PCGF5: variants seen among roughly 807,000 people sequenced by gnomAD.
The protein encoded by PCGF5 is polycomb group RING finger protein 5.
Under a neutral mutation model 44.3 loss-of-function variants are expected in PCGF5, and 9 were observed. The observed-to-expected ratio is 0.20, with a 90% CI of 0.12 to 0.35. The LOEUF (loss-of-function observed/expected upper bound fraction) is 0.35. PCGF5 is among the 10% of genes least tolerant of loss of function. The probability of loss-of-function intolerance (pLI) is 1.00; values close to 1 mark genes in which losing one functional copy is unlikely to be tolerated. For synonymous variants in PCGF5, 95 were observed against 102.5 expected (o/e 0.93, Z 0.44); for missense variants, 146 against 305.3 (o/e 0.48, Z 3.89).
At chr10:91,170,219 G>A (rs1843579493) in intron 1 of PCGF5, among the ~76,000 whole-genome samples, 1 of 152,204 alleles carries the variant, frequency 6.6e-6, no homozygotes, top group African/African-American at 2.4e-5. Flanking sequence ...GTTTGGTGAT[G>A]ACTTTTTAGA....
chr10:91,275,036 G>A (rs1846272228), intron 9 of PCGF5, among the ~76,000 whole-genome samples: 2 of 152,112 alleles, frequency 1.3e-5, no homozygotes, highest in Admixed American at 6.6e-5. Context: ...ATCTCAGAGT[G>A]GGGATGGCCT....
chr10:91,221,903 A>G (rs543908623), intron 1 of PCGF5, among the ~76,000 whole-genome samples: 15 of 152,326 alleles, frequency 9.8e-5, no homozygotes, highest in Middle Eastern at 3.4e-3. Context: ...AAAACTAGGG[A>G]AAGATTGCAC....
intron 6 of PCGF5, among the ~76,000 whole-genome samples, chr10:91,257,440 A>G (rs1310528782): frequency 1.3e-5 from 2 of 152,124 alleles, no homozygotes; most frequent in Admixed American, 1.3e-4. Context: ...TAAGTATGTG[A>G]TCATATCCAG....
Position 91,283,214 on chromosome 10 carries a change from C to T in PCGF5, c.*4898C>T, listed in dbSNP as rs1335218906. On this transcript the variant is annotated 3_prime_UTR_variant, in exon 10 of 10. Transcript: ENST00000336126. ...AGTTTTCATAAATAATGTTTACTTG[C>T]TTTCTTTATATTTTCAAATAAAATT... The T allele has an allele frequency of 6.6e-6, 1 of 152,132 alleles. No individual in the cohort carries two copies. Among genetic ancestry groups the T allele is most frequent in the Non-Finnish European group, 1.5e-5 (1 of 68,008 alleles). The allele number at this position is 152,132 out of a possible 1,614,324, so 9.4% of individuals were successfully genotyped here.
upstream of PCGF5, among the ~76,000 whole-genome samples, chr10:91,219,319 C>T (rs146947830): frequency 6.6e-6 from 1 of 152,280 alleles, no homozygotes; most frequent in East Asian, 1.9e-4. Flanking sequence ...ATTTAAGCCC[C>T]CTGGACTCCA....
intron 6 of PCGF5, among the ~76,000 whole-genome samples, chr10:91,253,308 GT>G (rs1280368259): frequency 2.0e-5 from 3 of 151,964 alleles, no homozygotes; most frequent in Non-Finnish European, 4.4e-5. Context: ...TCAATAGGTA[GT>G]TTTTCAATCC....
At chr10:91,267,259 G>T (rs1846070544) in intron 8 of PCGF5, among the ~76,000 whole-genome samples, 1 of 152,050 alleles carries the variant, frequency 6.6e-6, no homozygotes, top group Non-Finnish European at 1.5e-5. Context: ...CCTTCTCAGT[G>T]AGGCCTCTGA....
chr10:91,229,780 TAATAAG>T (rs1214476947), intron 2 of PCGF5, among the ~76,000 whole-genome samples: 1 of 152,076 alleles, frequency 6.6e-6, no homozygotes, highest in African/African-American at 2.4e-5. Context: ...AATGTATTCT[TAATAAG>T]AATAAAAAAC....
At chr10:91,189,398 G>A (rs1159671335) in intron 1 of PCGF5, among the ~76,000 whole-genome samples, 3 of 152,162 alleles carry the variant, frequency 2.0e-5, no homozygotes, top group African/African-American at 4.8e-5. Flanking sequence ...ACAACATGGT[G>A]CCTGGTACAT....
At chr10:91,168,929 G>GAAAAAAA (rs57345364) in intron 1 of PCGF5, among the ~76,000 whole-genome samples, 3 of 56,164 alleles carry the variant, frequency 5.3e-5, no homozygotes, top group Non-Finnish European at 9.7e-5. Flanking sequence ...CTCCGTCTCA[G>GAAAAAAA]AAAAAAAAAA....
chr10:91,248,838 T>C, intron 5 of PCGF5, 114 bp downstream of exon 5: 1 of 851,074 alleles, frequency 1.2e-6, no homozygotes, highest in Non-Finnish European at 1.9e-6. Flanking sequence ...ACAAAATTCA[T>C]GCACCCTTTT....
At chr10:91,161,899 T>A (rs985847121), upstream of PCGF5, among the ~76,000 whole-genome samples, 5 of 151,958 alleles carry the variant, frequency 3.3e-5, no homozygotes, top group African/African-American at 9.7e-5. Flanking sequence ...CTTTAAGGAA[T>A]CCACAGATCA....
chr10:91,248,387 A>G, intron 3 of PCGF5, 118 bp from the exon 4 acceptor site: 1 of 911,220 alleles, frequency 1.1e-6, no homozygotes, highest in South Asian at 1.4e-5. Context: ...GGTATAGTAG[A>G]TGTGCTAAAA....
At chr10:91,243,801 CATT>C (rs1845389170) in intron 3 of PCGF5, among the ~76,000 whole-genome samples, 1 of 151,996 alleles carries the variant, frequency 6.6e-6, no homozygotes, top group East Asian at 1.9e-4. Flanking sequence ...TATAGCAAAA[CATT>C]AAAGTTAGTT....
upstream of PCGF5, among the ~76,000 whole-genome samples, chr10:91,215,175 G>C (rs534255019): frequency 4.7e-4 from 72 of 152,292 alleles, no homozygotes; most frequent in African/African-American, 1.6e-3. Context: ...GACAAAATTT[G>C]CTTTTTAAAA....
chr10:91,200,457 AAAG>A (rs553714860), intron 1 of PCGF5, among the ~76,000 whole-genome samples: 11 of 152,376 alleles, frequency 7.2e-5, no homozygotes, highest in African/African-American at 2.6e-4. Context: ...TATATGTTTG[AAAG>A]AAGAAGAGAA....
chr10:91,230,812 G>A (rs575224126), intron 2 of PCGF5, among the ~76,000 whole-genome samples: 1 of 151,818 alleles, frequency 6.6e-6, no homozygotes, highest in East Asian at 1.9e-4. Flanking sequence ...GTGTAGAGAC[G>A]GGGTTTGGCC....
intron 8 of PCGF5, 140 bp from the exon 9 acceptor site, chr10:91,271,495 AACC>A (rs1168730991): frequency 1.7e-5 from 10 of 602,904 alleles, no homozygotes; most frequent in Non-Finnish European, 2.7e-5. Flanking sequence ...TTTCAAAAAC[AACC>A]ACCATTTTTT....
At chr10:91,189,369 T>C (rs1371561800) in intron 1 of PCGF5, among the ~76,000 whole-genome samples, 1 of 152,206 alleles carries the variant, frequency 6.6e-6, no homozygotes, top group Non-Finnish European at 1.5e-5. Context: ...AGGGAGGTGA[T>C]GTTTTGAAAT....
Sources: gnomAD v4.1 joint callset for allele counts (sites outside exome capture counted in the v4.1 genomes callset) on GRCh38, gnomAD v4.1.1 for gene constraint, MANE v1.5 for transcripts, NCBI Gene and HGNC (gene_info 2026-07-23, HGNC 2026-07-21) for gene names.